Variants in FANCI observed in about 807,000 individuals in gnomAD.
FANCI encodes FA complementation group I.
Under a neutral mutation model 176.1 loss-of-function variants are expected in FANCI, and 156 were observed. The ratio of observed to expected loss-of-function variants is 0.89; its 90% CI spans 0.78 to 1.01. FANCI has a LOEUF of 1.01. Ranked by LOEUF, FANCI falls within the 50% of genes least tolerant of loss-of-function variation. The probability of loss-of-function intolerance (pLI) is 0.00; values close to 1 mark genes in which losing one functional copy is unlikely to be tolerated. For synonymous variants in FANCI, 613 were observed against 541.7 expected (o/e 1.13, Z -1.83); for missense variants, 1,678 against 1,534.1 (o/e 1.09, Z -1.57).
At chr15:89,292,014 G>C (rs1468434068) in intron 20 of FANCI, among the ~76,000 whole-genome samples, 1 of 152,132 alleles carries the variant, frequency 6.6e-6, no homozygotes, top group Non-Finnish European at 1.5e-5. Flanking sequence ...ATGGGGAGAG[G>C]GATGATGTCA....
intron 12 of FANCI, 126 bp downstream of exon 12, chr15:89,274,430 G>A (rs917024294): frequency 1.0e-4 from 106 of 1,048,306 alleles, no homozygotes; most frequent in Non-Finnish European, 1.4e-4. Context: ...GTCACACATC[G>A]AGGTTCATTT....
chr15:89,279,543 C>T (rs566018094), intron 14 of FANCI, among the ~76,000 whole-genome samples: 13 of 152,326 alleles, frequency 8.5e-5, no homozygotes, highest in African/African-American at 2.9e-4. Context: ...CCGTGTCATT[C>T]ATCACTGTTT....
chr15:89,246,739 T>TTTTC lies in FANCI; in HGVS notation c.-19-875_-19-872dup, dbSNP rs201874562. Among the ~76,000 whole-genome samples, 700 of 151,012 alleles carry TTTTC rather than the reference T, an allele frequency of 4.6e-3. 9 individuals carry two copies. Among genetic ancestry groups the TTTTC allele is most frequent in the East Asian group, 0.014 (74 of 5,154 alleles). On this transcript the variant is annotated intron_variant, in intron 1 of 37. Transcript: ENST00000310775. ...TCTTTTACCTTGTTAACTTCTCAGC[T>TTTTC]TTTCTTTCTTTCTTTCTTCCTTTCT...
chr15:89,300,410 T>C (rs2054484009), intron 26 of FANCI, 25 bp downstream of exon 26: 1 of 1,603,108 alleles, frequency 6.2e-7, no homozygotes, highest in Non-Finnish European at 8.5e-7. Context: ...AAAGCTGCTG[T>C]ACTGGCCTGA....
chr15:89,280,672 A>G (rs1198211712), intron 14 of FANCI, among the ~76,000 whole-genome samples: 3 of 152,178 alleles, frequency 2.0e-5, no homozygotes, highest in Non-Finnish European at 2.9e-5. Context: ...TTGGTAGGCA[A>G]TAAACTATGT....
At chr15:89,262,338 C>T (rs1257051115) in intron 6 of FANCI, among the ~76,000 whole-genome samples, 1 of 151,666 alleles carries the variant, frequency 6.6e-6, no homozygotes, top group East Asian at 1.9e-4. Context: ...TAAAGAATGA[C>T]TGCAACATAC....
At chr15:89,280,897 A>G (rs1256748760) in intron 14 of FANCI, among the ~76,000 whole-genome samples, 1 of 152,198 alleles carries the variant, frequency 6.6e-6, no homozygotes, top group African/African-American at 2.4e-5. Context: ...GATGTGTGCT[A>G]CTACTTATGT....
intron 28 of FANCI, among the ~76,000 whole-genome samples, chr15:89,304,824 A>G (rs945418740): frequency 6.6e-6 from 1 of 151,452 alleles, no homozygotes; most frequent in Non-Finnish European, 1.5e-5. Context: ...TTGCCCAGGC[A>G]GGAATGCAAT....
intron 9 of FANCI, among the ~76,000 whole-genome samples, chr15:89,264,823 T>G (rs2052870861): frequency 1.3e-5 from 2 of 152,224 alleles, no homozygotes; most frequent in Admixed American, 1.3e-4. Flanking sequence ...TCCTATAAGC[T>G]GCAAGTTTAA....
At position 89,314,735 on chromosome 15, in the gene FANCI, A is replaced by G. The variant is rs16943015; in HGVS notation, c.3816+28A>G. Reference sequence around the variant, plus strand: ...AAACATTCTCTTATTATGTGCTACCATTCCCATTTACCTTCTTGACAGATC... The same window carrying G: ...AAACATTCTCTTATTATGTGCTACCGTTCCCATTTACCTTCTTGACAGATC... On this transcript the variant is annotated intron_variant, in intron 36 of 37. Transcript: ENST00000310775. 5,005 of 1,512,514 alleles carry G rather than the reference A, an allele frequency of 3.3e-3. 141 individuals carry two copies. The African/African-American group carries it at 0.059, about 18-fold the overall frequency. 93.7% of individuals were successfully genotyped at this position (1,512,514 alleles called of 1,614,324 possible). A position where few individuals can be genotyped will look rare whatever the true frequency, so the allele number is the denominator to read the frequency against.
In FANCI at chr15:89,295,037, G is replaced by A; in HGVS notation, c.2579G>A (p.Ser860Asn). The change falls in exon 24 of 38, where the codon AGT (serine) becomes AAT (asparagine). Residue 860 changes from serine to asparagine, a missense_variant. This residue lies in a region of FANCI where 1,204 missense variants were observed against 1,077.4 expected (regional missense o/e 1.12). Transcript: ENST00000310775. ...CAGCTAAAGGAAACAGGGCATGTGA[G>A]TGGCCCTGATGGCCAAAACCCAGAA... ...VQQLKETGHV[S>N]GPDGQNPEKI... The A allele has an allele frequency of 1.3e-6, 2 of 1,552,214 alleles. No homozygotes were observed.
chr15:89,253,054 A>C (rs2151132166), intron 2 of FANCI, among the ~76,000 whole-genome samples: 1 of 152,338 alleles, frequency 6.6e-6, no homozygotes, highest in African/African-American at 2.4e-5. Context: ...CACCACAAAA[A>C]CTTTTATAAA....
At position 89,299,944 on chromosome 15, in the gene FANCI, T is replaced by G. The variant is rs771106622; in HGVS notation, c.2781T>G (p.Ile927Met). ...SAVQQFYQPKIQQFLRALDVT... is the reference protein window; with the variant it reads ...SAVQQFYQPKMQQFLRALDVT... ...TGCAACAGTTCTATCAGCCCAAGAT[T>G]CAGCAGTTTCTCAGAGCTCTGGGTA... Residue 927 changes from isoleucine to methionine, a missense_variant, in exon 25 of 38, where the codon ATT becomes ATG. Ile to Met is a conservative substitution (Grantham distance 10). This residue lies in a region of FANCI where 1,204 missense variants were observed against 1,077.4 expected (regional missense o/e 1.12). Transcript: ENST00000310775. 6.2e-6 allele frequency: 10 copies of G among 1,613,982 alleles called. No homozygotes were observed. The highest frequency in any genetic ancestry group is 8.5e-6 in the Non-Finnish European group (10 of 1,179,994).
At chr15:89,265,052 A>G (rs1352742340) in intron 9 of FANCI, among the ~76,000 whole-genome samples, 1 of 152,238 alleles carries the variant, frequency 6.6e-6, no homozygotes, top group Non-Finnish European at 1.5e-5. Context: ...AGATTGGGTC[A>G]GGGAAAACCT....
rs1461838400 is a variant in FANCI at position 89,316,891 on chromosome 15, G to A, written c.*432G>A. On this transcript the variant is annotated 3_prime_UTR_variant, in exon 38 of 38. Coordinates refer to ENST00000310775, the MANE Select transcript of FANCI (RefSeq NM_001113378.2). ...GAACTGTAACTGAGAGCTCAGAAGT[G>A]AGCAAAGGAGCTTAATGCTAAGGTC... 1.7e-6 allele frequency: 2 copies of A among 1,152,842 alleles called. No homozygotes were observed. Among genetic ancestry groups the A allele is most frequent in the Non-Finnish European group, 2.6e-6 (2 of 758,986 alleles). The allele number at this position is 1,152,842 out of a possible 1,614,324, so 71.4% of individuals were successfully genotyped here. A position where few individuals can be genotyped will look rare whatever the true frequency, so the allele number is the denominator to read the frequency against.
intron 24 of FANCI, among the ~76,000 whole-genome samples, chr15:89,296,901 G>A (rs1221016249): frequency 5.4e-5 from 8 of 148,526 alleles, no homozygotes; most frequent in East Asian, 2.0e-4. Flanking sequence ...CGGACGGGGC[G>A]GCTGGCCGGG....
In FANCI at chr15:89,305,664, G is replaced by A; in HGVS notation, c.3315G>A (p.Lys1105=). The part of the protein sequence containing the change: ...VLEEVDWLIT[K]LKGQVSQETL... Reference sequence around the variant, plus strand: ...AAGAAGTGGACTGGCTAATCACCAAGCTTAAGGGACAAGTGAGCCAAGAAA... The same window carrying A: ...AAGAAGTGGACTGGCTAATCACCAAACTTAAGGGACAAGTGAGCCAAGAAA... The change falls in exon 31 of 38, where the codon AAG becomes AAA. Residue 1105 remains lysine, a synonymous_variant. Coordinates refer to ENST00000310775, the MANE Select transcript of FANCI (RefSeq NM_001113378.2). The A allele has an allele frequency of 6.2e-7, 1 of 1,614,210 alleles. No individual in the cohort carries two copies. The highest frequency in any genetic ancestry group is 8.5e-7 in the Non-Finnish European group (1 of 1,180,026).
chr15:89,265,924 T>C (rs2052929738), intron 9 of FANCI, among the ~76,000 whole-genome samples: 1 of 152,140 alleles, frequency 6.6e-6, no homozygotes, highest in African/African-American at 2.4e-5. Flanking sequence ...CTCTACTTTA[T>C]GGATATGGAA....
At chr15:89,257,409 T>C (rs2052543308) in intron 2 of FANCI, among the ~76,000 whole-genome samples, 1 of 152,162 alleles carries the variant, frequency 6.6e-6, no homozygotes, top group Non-Finnish European at 1.5e-5. Flanking sequence ...AGACTAGAAG[T>C]GCAAGATCAA....
Sources: allele counts gnomAD v4.1 joint callset (sites outside exome capture counted in the v4.1 genomes callset), GRCh38; gene constraint gnomAD v4.1.1; regional missense constraint gnomAD v4.1.1; transcripts MANE v1.5; gene names NCBI Gene and HGNC (gene_info 2026-07-23, HGNC 2026-07-21).